Variants in CELF4 observed in about 807,000 individuals in gnomAD.
CELF4 encodes CUGBP Elav-like family member 4, also known as CUG-BP- and ETR-3-like factor 4.
Under a neutral mutation model 59.9 loss-of-function variants are expected in CELF4, and 18 were observed. The ratio of observed to expected loss-of-function variants is 0.30; its 90% CI spans 0.21 to 0.45. CELF4 has a LOEUF of 0.45. Ranked by LOEUF, CELF4 falls within the 20% of genes least tolerant of loss-of-function variation. CELF4 has a pLI of 1.00. For missense variants in CELF4, 456 were observed against 689.0 expected (o/e 0.66, Z 3.79); for synonymous variants, 261 against 267.1 (o/e 0.98, Z 0.22).
intron 9 of CELF4, 98 bp from the exon 10 acceptor site, chr18:37,264,855 A>T: frequency 9.8e-7 from 1 of 1,016,442 alleles, no homozygotes; most frequent in Non-Finnish European, 1.5e-6. Context: ...AAAGCAGATC[A>T]GCCAAAAAGC....
chr18:37,480,607 TG>T, intron 2 of CELF4, among the ~76,000 whole-genome samples: 1 of 152,174 alleles, frequency 6.6e-6, no homozygotes, highest in East Asian at 1.9e-4. Flanking sequence ...GATCCCTCAA[TG>T]GCAGGACTGT....
intron 2 of CELF4, among the ~76,000 whole-genome samples, chr18:37,346,287 G>A (rs1471269885): frequency 6.6e-6 from 1 of 152,176 alleles, no homozygotes; most frequent in Non-Finnish European, 1.5e-5. Flanking sequence ...CCCTTGGGAG[G>A]GGACATACCC....
chr18:37,416,529 T>G (rs989593414), intron 2 of CELF4, among the ~76,000 whole-genome samples: 1 of 152,220 alleles, frequency 6.6e-6, no homozygotes, highest in African/African-American at 2.4e-5. Flanking sequence ...TGGTCTGCAC[T>G]TTAACAAGGA....
chr18:37,251,186 T>G (rs775115243), intron 12 of CELF4, among the ~76,000 whole-genome samples: 1 of 151,016 alleles, frequency 6.6e-6, no homozygotes, highest in Non-Finnish European at 1.5e-5. Context: ...GTTGTAGCTA[T>G]GTAGTTAACA....
In CELF4 at chr18:37,429,026, G is replaced by A. The variant is rs147116468; in HGVS notation, c.369+56499C>T. ...TTGCAGGGGCCTGAGCAATTGCATC[G>A]TAGAGGAGGCATGGATGCCCCTTGT... On this transcript the variant is annotated intron_variant, in intron 2 of 12. Coordinates refer to ENST00000420428, the MANE Select transcript of CELF4 (RefSeq NM_020180.4). Among the ~76,000 whole-genome samples the A allele has an allele frequency of 2.2e-4, 33 of 152,234 alleles. No homozygotes were observed. The East Asian group carries it at 3.7e-3, about 17-fold the overall frequency.
chr18:37,491,174 G>GCC (rs2099903228), intron 1 of CELF4, among the ~76,000 whole-genome samples: 1 of 118,480 alleles, frequency 8.4e-6, no homozygotes, highest in Non-Finnish European at 2.0e-5. Flanking sequence ...CGAGAGGGAT[G>GCC]CCGTGCCCAC....
At chr18:37,398,007 C>A (rs2099266905) in intron 2 of CELF4, among the ~76,000 whole-genome samples, 1 of 152,170 alleles carries the variant, frequency 6.6e-6, no homozygotes, top group South Asian at 2.1e-4. Flanking sequence ...TCTGGTCTCT[C>A]CCCACTCAGG....
At chr18:37,263,382 A>C (rs563174036) in intron 10 of CELF4, among the ~76,000 whole-genome samples, 1 of 152,116 alleles carries the variant, frequency 6.6e-6, no homozygotes, top group African/African-American at 2.4e-5. Context: ...GGACTAACCT[A>C]CATCGGAGGG....
At chr18:37,553,959 C>T (rs1052433238) in intron 1 of CELF4, among the ~76,000 whole-genome samples, 29 of 152,190 alleles carry the variant, frequency 1.9e-4, no homozygotes, top group Admixed American at 1.4e-3. Context: ...TCCCCTCACA[C>T]GCAATTTAGG....
intron 3 of CELF4, among the ~76,000 whole-genome samples, chr18:37,284,443 G>A (rs2094533572): frequency 6.6e-6 from 1 of 152,008 alleles, no homozygotes; most frequent in Admixed American, 6.6e-5. Context: ...CATTCTTCTC[G>A]CCTGCGCCTG....
intron 12 of CELF4, among the ~76,000 whole-genome samples, chr18:37,252,090 C>T (rs2065863409): frequency 6.6e-6 from 1 of 152,150 alleles, no homozygotes. Flanking sequence ...GGGTGTTCTG[C>T]TGGTATCTGT....
intron 2 of CELF4, among the ~76,000 whole-genome samples, chr18:37,347,420 C>T (rs970422588): frequency 6.6e-6 from 1 of 152,118 alleles, no homozygotes; most frequent in Non-Finnish European, 1.5e-5. Flanking sequence ...GGTTTGCAGG[C>T]CCATCCCCCA....
chr18:37,540,630 C>T (rs2099977152), intron 1 of CELF4, among the ~76,000 whole-genome samples: 1 of 152,188 alleles, frequency 6.6e-6, no homozygotes, highest in Non-Finnish European at 1.5e-5. Context: ...TACATCACCA[C>T]TGTGAATCTG....
chr18:37,490,381 G>GA (rs970854397), intron 1 of CELF4, among the ~76,000 whole-genome samples: 13 of 149,752 alleles, frequency 8.7e-5, no homozygotes, highest in South Asian at 4.3e-4. Flanking sequence ...AACTTGAAAG[G>GA]AAAAAAAAAA....
At chr18:37,387,180 G>T (rs1395527417) in intron 2 of CELF4, among the ~76,000 whole-genome samples, 1 of 152,238 alleles carries the variant, frequency 6.6e-6, no homozygotes, top group Non-Finnish European at 1.5e-5. Context: ...CTTGTCCTGG[G>T]CATTACTTTG....
At chr18:37,463,579 C>T (rs1412366795) in intron 2 of CELF4, among the ~76,000 whole-genome samples, 1 of 152,154 alleles carries the variant, frequency 6.6e-6, no homozygotes, top group African/African-American at 2.4e-5. Context: ...TGGACCTGGG[C>T]CAAAGGGTCC....
At position 37,349,277 on chromosome 18, in the gene CELF4, A is replaced by G. The variant is rs142142878; in HGVS notation, c.370-27396T>C. 5.0e-3 allele frequency among the ~76,000 whole-genome samples: 760 copies of G among 152,246 alleles called. 7 individuals are homozygous for G. Among genetic ancestry groups the G allele is most frequent in the African/African-American group, 0.018 (739 of 41,556 alleles). ...GGATAGCCACCAGGATGTCCCTCCTATCTGTGGGTATCTGTTTAGGCTCTC... is the reference window on the plus strand; with the variant it reads ...GGATAGCCACCAGGATGTCCCTCCTGTCTGTGGGTATCTGTTTAGGCTCTC... On this transcript the variant is annotated intron_variant, in intron 2 of 12. Transcript: ENST00000420428.
intron 1 of CELF4, among the ~76,000 whole-genome samples, chr18:37,489,960 AGTCG>A (rs2099895565): frequency 6.6e-6 from 1 of 152,216 alleles, no homozygotes; most frequent in Non-Finnish European, 1.5e-5. Flanking sequence ...CTCACAGTGG[AGTCG>A]GCAAGGATCC....
chr18:37,325,884 G>T (rs2097293413), intron 2 of CELF4, among the ~76,000 whole-genome samples: 1 of 152,252 alleles, frequency 6.6e-6, no homozygotes, highest in African/African-American at 2.4e-5. Flanking sequence ...TGTCAGAGAG[G>T]TGCCGGGCTA....
Sources: allele counts gnomAD v4.1 joint callset (sites outside exome capture counted in the v4.1 genomes callset), GRCh38; gene constraint gnomAD v4.1.1; transcripts MANE v1.5; gene names NCBI Gene and HGNC (gene_info 2026-07-23, HGNC 2026-07-21).